The following PDE11A variants were observed in gnomAD, a reference collection of about 807,000 sequenced individuals.
PDE11A encodes the protein phosphodiesterase 11A.
A neutral mutation model predicts 100.5 loss-of-function variants in PDE11A; 100 were observed. The ratio of observed to expected loss-of-function variants is 1.00; its 90% CI spans 0.85 to 1.18. The LOEUF (loss-of-function observed/expected upper bound fraction) is 1.18, where lower values mean the gene tolerates loss of function less well. PDE11A is among the 50% of genes most tolerant of loss of function. The pLI, the probability that PDE11A is intolerant of heterozygous loss-of-function variation, is 0.00. For missense variants in PDE11A, 1,141 were observed against 1,152.6 expected (o/e 0.99, Z 0.15); for synonymous variants, 381 against 420.8 (o/e 0.91, Z 1.16).
chr2:177,712,829 G>C (rs1011280066), intron 12 of PDE11A, among the ~76,000 whole-genome samples: 1 of 152,162 alleles, frequency 6.6e-6, no homozygotes, highest in Non-Finnish European at 1.5e-5. Context: ...TTATCAGAGA[G>C]TGGGAGGAGG....
chr2:177,817,963 A>G (rs1301856530), intron 7 of PDE11A, 38 bp from the exon 8 acceptor site: 1 of 937,976 alleles, frequency 1.1e-6, no homozygotes. Context: ...CATTTTTAGT[A>G]CTGGACATTG....
rs1364025004 is a variant in PDE11A at position 177,628,786 on chromosome 2, C to CTA, written c.*619_*620dup. The CTA allele has an allele frequency of 6.5e-6, 1 of 153,422 alleles. No homozygotes were observed. Among genetic ancestry groups the CTA allele is most frequent in the African/African-American group, 2.4e-5 (1 of 41,448 alleles). 9.5% of individuals were successfully genotyped at this position (153,422 alleles called of 1,614,324 possible). ...TAGAATTACCCATCAAACACATTTG[C>CTA]TATAGTCCTACTATGTATTCATTTT... On this transcript the variant is annotated 3_prime_UTR_variant, in exon 20 of 20. Transcript: ENST00000286063.
At chr2:178,105,019 A>C (rs753387827) in intron 1 of PDE11A, among the ~76,000 whole-genome samples, 4 of 152,228 alleles carry the variant, frequency 2.6e-5, no homozygotes. Flanking sequence ...ATGTAACATA[A>C]TTTCTCATTT....
At chr2:178,074,033 T>C (rs2087172208), upstream of PDE11A, among the ~76,000 whole-genome samples, 1 of 152,208 alleles carries the variant, frequency 6.6e-6, no homozygotes, top group Non-Finnish European at 1.5e-5. Context: ...AATGGAATAT[T>C]ATTCAATCAT....
intron 2 of PDE11A, among the ~76,000 whole-genome samples, chr2:178,005,641 T>G (rs186544421): frequency 3.9e-5 from 6 of 152,324 alleles, no homozygotes; most frequent in African/African-American, 1.4e-4. Flanking sequence ...TGGAACCGTG[T>G]CTCAAACATA....
At chr2:178,091,324 G>T (rs190778084) in intron 2 of PDE11A, among the ~76,000 whole-genome samples, 198 of 152,230 alleles carry the variant, frequency 1.3e-3, no homozygotes, top group Non-Finnish European at 2.0e-3. Context: ...GTGCACCTCG[G>T]CCTCCCAAAG....
intron 1 of PDE11A, among the ~76,000 whole-genome samples, chr2:178,047,245 TGAGGTTAG>T (rs1345625706): frequency 1.3e-5 from 2 of 152,042 alleles, no homozygotes; most frequent in Admixed American, 1.3e-4. Context: ...ATGGATCACT[TGAGGTTAG>T]GAGTTCAAGA....
At chr2:177,674,449 AC>A (rs1334997053) in intron 17 of PDE11A, among the ~76,000 whole-genome samples, 2 of 152,156 alleles carry the variant, frequency 1.3e-5, no homozygotes, top group African/African-American at 4.8e-5. Context: ...TCCTTTGCTC[AC>A]GGCTGCATCA....
At chr2:177,663,623 T>C (rs3770003) in intron 19 of PDE11A, among the ~76,000 whole-genome samples, 116,900 of 151,380 alleles carry the variant, frequency 0.77, 45,779 homozygotes, top group East Asian at 0.89. Context: ...GGTTTACAGA[T>C]GAGGGAGTAG....
At chr2:177,791,510 A>T (rs1574146535) in intron 9 of PDE11A, among the ~76,000 whole-genome samples, 2 of 147,044 alleles carry the variant, frequency 1.4e-5, no homozygotes, top group African/African-American at 5.0e-5. Context: ...CAGATTGTGC[A>T]CATGTACCCT....
rs117699288 is a variant in PDE11A at position 177,821,522 on chromosome 2, G to C, written c.1501-1227C>G. On this transcript the variant is annotated intron_variant, in intron 6 of 19. Transcript: ENST00000286063. ...AATTGCTGAGTTATTCACCTGTTCA[G>C]CTTCAAAATATATATTTTAAAGTTT... 1.0e-3 allele frequency among the ~76,000 whole-genome samples: 159 copies of C among 151,852 alleles called. 1 individual carries two copies. The East Asian group carries it at 0.03, about 29-fold the overall frequency.
chr2:177,894,996 T>C (rs965767192), intron 4 of PDE11A, among the ~76,000 whole-genome samples: 26 of 152,308 alleles, frequency 1.7e-4, no homozygotes, highest in African/African-American at 5.8e-4. Flanking sequence ...TCCAACTACC[T>C]TGGGACCACT....
At chr2:177,695,151 T>G (rs2081092441) in intron 15 of PDE11A, among the ~76,000 whole-genome samples, 1 of 151,608 alleles carries the variant, frequency 6.6e-6, no homozygotes. Context: ...CTAGATAAAA[T>G]AATTTGTTTC....
intron 2 of PDE11A, among the ~76,000 whole-genome samples, chr2:178,095,155 A>C (rs1411601138): frequency 3.3e-5 from 5 of 152,162 alleles, no homozygotes; most frequent in Non-Finnish European, 7.3e-5. Flanking sequence ...TCAAAAGTCC[A>C]TAGTCAAAAG....
chr2:177,679,846 T>C (rs1302819040), intron 16 of PDE11A, among the ~76,000 whole-genome samples: 1 of 150,356 alleles, frequency 6.7e-6, no homozygotes, highest in Non-Finnish European at 1.5e-5. Flanking sequence ...GGCGAGGAGG[T>C]GGAAGGAATG....
In PDE11A at chr2:177,840,414, AAG is replaced by A. The variant is rs767814902; in HGVS notation, c.1368-33_1368-32del. 2.2e-5 allele frequency: 35 copies of A among 1,610,288 alleles called. 1 individual carries two copies. In the South Asian group the frequency reaches 3.7e-4, roughly 17 times the overall value. On this transcript the variant is annotated intron_variant, in intron 5 of 19. Transcript: ENST00000286063. The stretch of plus-strand genomic sequence containing the variant: ...AGAGCACCAAGGTAGGCAGGAAGAA[AAG>A]AGAGAAACGTAAGTTTTCTTGAAAG...
chr2:177,744,740 G>T (rs1180362044), intron 10 of PDE11A, among the ~76,000 whole-genome samples: 1 of 152,234 alleles, frequency 6.6e-6, no homozygotes, highest in Non-Finnish European at 1.5e-5. Context: ...TACCTGTCCA[G>T]TGACTTCAAG....
intron 2 of PDE11A, among the ~76,000 whole-genome samples, chr2:177,986,607 G>A (rs1288946327): frequency 6.6e-6 from 1 of 152,072 alleles, no homozygotes; most frequent in Non-Finnish European, 1.5e-5. Context: ...CGAGGTGGGA[G>A]GATCACGAGG....
At chr2:177,770,013 A>T (rs1469895983) in intron 9 of PDE11A, among the ~76,000 whole-genome samples, 1 of 151,992 alleles carries the variant, frequency 6.6e-6, no homozygotes, top group Non-Finnish European at 1.5e-5. Context: ...TGCGATCTGT[A>T]GCAAACACTG....
Sources: allele counts gnomAD v4.1 joint callset (sites outside exome capture counted in the v4.1 genomes callset), GRCh38; gene constraint gnomAD v4.1.1; transcripts MANE v1.5; gene names NCBI Gene and HGNC (gene_info 2026-07-23, HGNC 2026-07-21).